The following SMARCA1 variants were observed in gnomAD, a reference collection of about 807,000 sequenced individuals.
SMARCA1 encodes the protein SWI/SNF-related matrix-associated actin-dependent regulator of chromatin subfamily A member 1.
Under a neutral mutation model 93.6 loss-of-function variants are expected in SMARCA1, and 17 were observed. The observed-to-expected ratio is 0.18, with a 90% CI of 0.12 to 0.27. SMARCA1 has a LOEUF of 0.27. SMARCA1 is among the 10% of genes least tolerant of loss of function. The probability of loss-of-function intolerance (pLI) is 1.00; values close to 1 mark genes in which losing one functional copy is unlikely to be tolerated. For synonymous variants in SMARCA1, 271 were observed against 271.4 expected (o/e 1.00, Z 0.01); for missense variants, 630 against 819.0 (o/e 0.77, Z 2.82).
At chrX:129,521,138 G>A (rs1364001475) in intron 1 of SMARCA1, among the ~76,000 whole-genome samples, 3 of 111,211 alleles carry the variant, frequency 2.7e-5, no homozygotes, top group East Asian at 5.6e-4. Flanking sequence ...TACCCGCCTC[G>A]GCCTCCCAAA....
intron 19 of SMARCA1, among the ~76,000 whole-genome samples, chrX:129,477,170 T>G (rs1054690399): frequency 2.2e-4 from 25 of 111,563 alleles, no homozygotes; most frequent in Non-Finnish European, 2.3e-4. Context: ...GGCCACCATC[T>G]TCTCTCATTT....
chrX:129,514,486 C>T (rs952464847), intron 5 of SMARCA1, among the ~76,000 whole-genome samples: 4 of 112,390 alleles, frequency 3.6e-5, no homozygotes, highest in African/African-American at 1.3e-4. Context: ...ACTCTTTATT[C>T]GTTCCTTATT....
At chrX:129,472,094 G>C (rs1185024485) in intron 19 of SMARCA1, among the ~76,000 whole-genome samples, 1 of 111,928 alleles carries the variant, frequency 8.9e-6, no homozygotes, top group African/African-American at 3.2e-5. Context: ...ACTGTAGCCT[G>C]CAGAGCCTCA....
chrX:129,448,423 G>A lies in SMARCA1; in HGVS notation c.3051C>T (p.Asn1017=), dbSNP rs1263793359. The change falls in exon 24 of 25, where the codon AAC becomes AAT. Residue 1017 remains asparagine, a synonymous_variant. Transcript: ENST00000371121. ...RTAMEFQRRC[N]TLISLIEKEN... is the part of the protein sequence containing the mutation. ...CTTTCTCAATCAATGAAATCAGAGT[G>A]TTACAGCGTCTCTGGAATTCCTAAA... is the stretch of plus-strand genomic sequence containing the variant. 2.5e-6 allele frequency: 3 copies of A among 1,191,343 alleles called. No individual in the cohort carries two copies. The African/African-American group carries it at 5.3e-5, about 21-fold the overall frequency.
At position 129,523,181 on chromosome X, in the gene SMARCA1, C is replaced by T; in HGVS notation, c.174+16G>A. The stretch of plus-strand genomic sequence containing the variant: ...ACAGGATTTGTCCACCACACACACA[C>T]CCCCTTCCTATTTACCTCCTTCTTC... On this transcript the variant is annotated intron_variant, in intron 1 of 24. Coordinates refer to ENST00000371121, the MANE Select transcript of SMARCA1 (RefSeq NM_001282874.2). The T allele has an allele frequency of 8.3e-7, 1 of 1,209,345 alleles. No homozygotes were observed.
intron 14 of SMARCA1, among the ~76,000 whole-genome samples, chrX:129,490,545 T>C (rs1240396640): frequency 1.8e-5 from 2 of 112,126 alleles, no homozygotes; most frequent in African/African-American, 6.5e-5. Flanking sequence ...AGGGTTGCTA[T>C]GGTGGCAAAA....
chrX:129,504,549 TA>T (rs780225300), intron 9 of SMARCA1, among the ~76,000 whole-genome samples, 184 bp downstream of exon 9: 56 of 24,186 alleles, frequency 2.3e-3, no homozygotes, highest in African/African-American at 5.1e-3. Context: ...CATAGAGGAA[TA>T]AAAAAAAAAA....
rs145163074 is a variant in SMARCA1, at chrX:129,494,146, G to A, written c.1627-1071C>T. ...GAATTTTTAAAAACCAGAACAATTT[G>A]GACATAAATAGGTAAACAGTAGACA... On this transcript the variant is annotated intron_variant, in intron 12 of 24. Coordinates refer to ENST00000371121, the MANE Select transcript of SMARCA1 (RefSeq NM_001282874.2). Among the ~76,000 whole-genome samples, 550 of 111,929 alleles carry A rather than the reference G, an allele frequency of 4.9e-3. 2 individuals are homozygous for A. Among genetic ancestry groups the A allele is most frequent in the Admixed American group, 0.019 (197 of 10,535 alleles).
rs759873277 is a variant in SMARCA1 at position 129,477,837 on chromosome X, TCTAAAG to T, written c.2442+2858_2442+2863del. ...AAACATCTCAGTGGGTTTCCTTTAC[TCTAAAG>T]CTAAAGTTCAACCTCATTAATATGA... On this transcript the variant is annotated intron_variant, in intron 19 of 24. Coordinates refer to ENST00000371121, the MANE Select transcript of SMARCA1 (RefSeq NM_001282874.2). Among the ~76,000 whole-genome samples the T allele has an allele frequency of 4.8e-5, 5 of 104,707 alleles. No individual in the cohort carries two copies. In the East Asian group the frequency reaches 1.4e-3, roughly 30 times the overall value. The allele number at this position is 104,707 out of a possible 115,157, so 90.9% of individuals were successfully genotyped here.
chrX:129,453,256 G>A lies in SMARCA1; in HGVS notation c.3031-4813C>T, dbSNP rs1932400779. Among the ~76,000 whole-genome samples, 4 of 111,785 alleles carry A rather than the reference G, an allele frequency of 3.6e-5. No individual in the cohort carries two copies. In the Admixed American group the frequency reaches 3.8e-4, roughly 11 times the overall value. On this transcript the variant is annotated intron_variant, in intron 23 of 24. Transcript: ENST00000371121. ...AATGATTAAGCTTAGTGAGGAAGTT[G>A]AGACAGGCCAAAAGCTAGGCCTCTT...
chrX:129,511,399 A>T (rs1185494891), intron 6 of SMARCA1, among the ~76,000 whole-genome samples: 1 of 112,278 alleles, frequency 8.9e-6, no homozygotes, highest in African/African-American at 3.2e-5. Context: ...CAAAAACTTA[A>T]ATATAAAATT....
At chrX:129,509,188 C>CAA (rs10706195) in intron 6 of SMARCA1, among the ~76,000 whole-genome samples, 91 of 69,594 alleles carry the variant, frequency 1.3e-3, no homozygotes, top group African/African-American at 3.5e-3. Context: ...GAGTCCGTCT[C>CAA]AAAAAAAAAA....
At chrX:129,510,563 G>A (rs1483257620) in intron 6 of SMARCA1, among the ~76,000 whole-genome samples, 2 of 111,462 alleles carry the variant, frequency 1.8e-5, no homozygotes, top group African/African-American at 3.3e-5. Context: ...GCGAGACCCC[G>A]CCTCTGGAAA....
intron 23 of SMARCA1, among the ~76,000 whole-genome samples, chrX:129,464,186 C>T (rs1432102236): frequency 8.9e-6 from 1 of 112,118 alleles, no homozygotes; most frequent in African/African-American, 3.2e-5. Flanking sequence ...AAATTAATGT[C>T]TTCACTACAG....
rs771226753 is a variant in SMARCA1 at position 129,523,221 on chromosome X, C to T, written c.150G>A (p.Thr50=). The T allele has an allele frequency of 4.4e-5, 53 of 1,209,791 alleles. No homozygotes were observed. The highest frequency in any genetic ancestry group is 5.5e-5 in the Non-Finnish European group (49 of 894,948). ...AAAATEATAA[T]EKGEKKKEKN... is the part of the protein sequence containing the mutation. Reference sequence around the variant, plus strand: ...CCTCCTTCTTCTTCTCGCCCTTCTCCGTGGCCGCGGTGGCTTCGGTGGCCG... The same window carrying T: ...CCTCCTTCTTCTTCTCGCCCTTCTCTGTGGCCGCGGTGGCTTCGGTGGCCG... The change falls in exon 1 of 25, where the codon ACG becomes ACA. Residue 50 remains threonine, a synonymous_variant. Transcript: ENST00000371121.
intron 16 of SMARCA1, among the ~76,000 whole-genome samples, chrX:129,487,949 C>T (rs779381988): frequency 3.1e-4 from 35 of 111,354 alleles, no homozygotes; most frequent in African/African-American, 1.1e-3. Context: ...TAGAAATACA[C>T]AGTGAACTAT....
At position 129,499,849 on chromosome X, in the gene SMARCA1, G is replaced by T. The variant is rs779808188; in HGVS notation, c.1168-8C>A. 4 of 885,366 alleles carry T rather than the reference G, an allele frequency of 4.5e-6. No homozygotes were observed. The highest frequency in any genetic ancestry group is 4.9e-6 in the Non-Finnish European group (3 of 615,081). 73.0% of individuals were successfully genotyped at this position (885,366 alleles called of 1,213,427 possible). On this transcript the variant is annotated splice_polypyrimidine_tract_variant and splice_region_variant and intron_variant, in intron 9 of 24. Coordinates refer to ENST00000371121, the MANE Select transcript of SMARCA1 (RefSeq NM_001282874.2). The stretch of plus-strand genomic sequence containing the variant: ...CAAAAATGGTTTTAAAACCTAAAAG[G>T]TGATCATTTTTATAAAAGTTTATGA...
intron 23 of SMARCA1, among the ~76,000 whole-genome samples, chrX:129,453,850 A>G (rs12007575): frequency 0.12 from 13,594 of 111,544 alleles, 616 homozygotes; most frequent in East Asian, 0.24. Context: ...CTATATCGTG[A>G]AAATGGCCAT....
At chrX:129,490,798 G>GA (rs1171289052) in intron 14 of SMARCA1, among the ~76,000 whole-genome samples, 85 of 104,537 alleles carry the variant, frequency 8.1e-4, no homozygotes, top group South Asian at 4.1e-3. Flanking sequence ...GGGTGGTAGA[G>GA]AAAAAAAAAA....
Sources: gnomAD v4.1 joint callset for allele counts (sites outside exome capture counted in the v4.1 genomes callset) on GRCh38, gnomAD v4.1.1 for gene constraint, MANE v1.5 for transcripts, NCBI Gene and HGNC (gene_info 2026-07-23, HGNC 2026-07-21) for gene names.